Variants in DNAAF9 observed in about 807,000 individuals in gnomAD.
DNAAF9 encodes the protein shulin.
In DNAAF9, 90 loss-of-function variants were observed where a neutral mutation model predicts 167.0. The ratio of observed to expected loss-of-function variants is 0.54; its 90% confidence interval spans 0.45 to 0.64. The LOEUF is 0.64. Ranked by LOEUF, DNAAF9 falls within the 30% of genes least tolerant of loss-of-function variation. The pLI is 0.00. For missense variants in DNAAF9, 1,315 were observed against 1,442.2 expected (o/e 0.91, Z 1.43); for synonymous variants, 491 against 508.8 (o/e 0.96, Z 0.47).
intron 7 of DNAAF9, among the ~76,000 whole-genome samples, chr20:3,356,594 T>C (rs1218057908): frequency 6.6e-6 from 1 of 152,242 alleles, no homozygotes; most frequent in Non-Finnish European, 1.5e-5. Flanking sequence ...TTTCTGCTTT[T>C]TCCCTTTTTT....
intron 9 of DNAAF9, among the ~76,000 whole-genome samples, chr20:3,341,764 G>A (rs2070090133): frequency 6.6e-6 from 1 of 152,048 alleles, no homozygotes. Flanking sequence ...TCTCTACATT[G>A]CAGTGATGAT....
chr20:3,322,750 TA>T, intron 14 of DNAAF9, 54 bp from the exon 15 acceptor site: 1 of 1,302,144 alleles, frequency 7.7e-7, no homozygotes, highest in Non-Finnish European at 1.1e-6. Context: ...GCTCCTCAGA[TA>T]CCTGTGCAGG....
chr20:3,370,726 T>A (rs552258594), intron 6 of DNAAF9, among the ~76,000 whole-genome samples: 27 of 152,256 alleles, frequency 1.8e-4, no homozygotes, highest in Non-Finnish European at 2.8e-4. Flanking sequence ...CTAATTTTTT[T>A]AAAATTTTTT....
At chr20:3,384,081 C>G (rs2083699861) in intron 1 of DNAAF9, 1 of 152,076 alleles carries the variant, frequency 6.6e-6, no homozygotes, top group African/African-American at 2.4e-5. Flanking sequence ...AGGCATGCGC[C>G]ACCACACCAG....
intron 27 of DNAAF9, among the ~76,000 whole-genome samples, chr20:3,286,958 T>C (rs891866455): frequency 6.6e-6 from 1 of 152,132 alleles, no homozygotes; most frequent in African/African-American, 2.4e-5. Context: ...TGGTGATGGG[T>C]CTGTGAGGGG....
At chr20:3,385,195 C>G (rs1600903599) in intron 1 of DNAAF9, among the ~76,000 whole-genome samples, 5 of 151,726 alleles carry the variant, frequency 3.3e-5, no homozygotes, top group Admixed American at 3.3e-4. Context: ...TCCTATTTAA[C>G]ATAATACCGG....
chr20:3,318,077 C>T (rs182032938), intron 17 of DNAAF9, among the ~76,000 whole-genome samples: 6,592 of 150,350 alleles, frequency 0.044, 218 homozygotes, highest in African/African-American at 0.093. Context: ...TTAGGTTATA[C>T]ACCCTTTGTT....
intron 27 of DNAAF9, among the ~76,000 whole-genome samples, chr20:3,285,217 C>T (rs1333369262): frequency 6.6e-6 from 1 of 152,214 alleles, no homozygotes; most frequent in Non-Finnish European, 1.5e-5. Flanking sequence ...AATCTCTGTC[C>T]TATATTACAT....
chr20:3,343,647 C>T (rs1459662397), intron 9 of DNAAF9, 29 bp downstream of exon 9: 6 of 1,584,226 alleles, frequency 3.8e-6, no homozygotes, highest in Admixed American at 3.4e-5. Context: ...TATCACCATT[C>T]GCCCTTCTTC....
chr20:3,374,613 G>T (rs1358480264), intron 5 of DNAAF9, among the ~76,000 whole-genome samples: 1 of 152,092 alleles, frequency 6.6e-6, no homozygotes, highest in Non-Finnish European at 1.5e-5. Flanking sequence ...TTTTGTTGTT[G>T]CAATACAAGC....
intron 7 of DNAAF9, among the ~76,000 whole-genome samples, chr20:3,359,281 G>A (rs2083329193): frequency 6.6e-6 from 1 of 152,210 alleles, no homozygotes; most frequent in African/African-American, 2.4e-5. Context: ...CAGGCAGGAG[G>A]CCCTGGTTTT....
At position 3,264,538 on chromosome 20, in the gene DNAAF9, C is replaced by A. The variant is rs143299856; in HGVS notation, c.2787-14G>T. ...ATGTCTTCATTCCTTTGAAAACACA[C>A]AGAAAAGACCTAGATTAATTAGGAC... is the stretch of plus-strand genomic sequence containing the variant. On this transcript the variant is annotated splice_polypyrimidine_tract_variant and intron_variant, in intron 30 of 36. Transcript: ENST00000252032. 1.7e-4 allele frequency: 218 copies of A among 1,269,582 alleles called. 2 individuals are homozygous for A. The highest frequency in any genetic ancestry group is 1.6e-3 in the Admixed American group (94 of 57,800). The allele number at this position is 1,269,582 out of a possible 1,614,324, so 78.6% of individuals were successfully genotyped here.
chr20:3,272,886 A>C (rs760730792), intron 29 of DNAAF9, among the ~76,000 whole-genome samples: 29 of 152,030 alleles, frequency 1.9e-4, no homozygotes, highest in Non-Finnish European at 3.7e-4. Context: ...GCAATGGTGC[A>C]ATCTCAGCTC....
chr20:3,393,503 T>A (rs953135654), intron 1 of DNAAF9, among the ~76,000 whole-genome samples: 2 of 152,106 alleles, frequency 1.3e-5, no homozygotes, highest in Non-Finnish European at 2.9e-5. Flanking sequence ...CAGAATGACA[T>A]CTTGTGTCAA....
At chr20:3,300,593 G>A (rs1279192477) in intron 21 of DNAAF9, among the ~76,000 whole-genome samples, 1 of 151,198 alleles carries the variant, frequency 6.6e-6, no homozygotes, top group African/African-American at 2.4e-5. Flanking sequence ...TGGGACTATA[G>A]GCACCTGCCA....
chr20:3,279,761 G>T (rs1426580934), intron 28 of DNAAF9, among the ~76,000 whole-genome samples: 1 of 152,190 alleles, frequency 6.6e-6, no homozygotes, highest in Non-Finnish European at 1.5e-5. Context: ...CACTAAGCTT[G>T]CCCAGTGTCT....
intron 29 of DNAAF9, among the ~76,000 whole-genome samples, chr20:3,274,212 G>A (rs553801045): frequency 2.2e-4 from 34 of 151,530 alleles, no homozygotes; most frequent in South Asian, 6.3e-4. Context: ...GTGTGATCTC[G>A]GCTGGTTGCA....
chr20:3,358,919 G>A lies in DNAAF9; in HGVS notation c.690+597C>T, dbSNP rs1038589113. Among the ~76,000 whole-genome samples the A allele has an allele frequency of 3.9e-5, 6 of 151,946 alleles. No homozygotes were observed. In the South Asian group the frequency reaches 6.2e-4, roughly 16 times the overall value. On this transcript the variant is annotated intron_variant, in intron 7 of 36. Transcript: ENST00000252032. ...TAAAGCTTTAGTTCTGTTTGTTGCC[G>A]CTCGTTGCAAATTTCCCCCCGATCC...
intron 33 of DNAAF9, among the ~76,000 whole-genome samples, chr20:3,257,771 C>A (rs1416750589): frequency 6.6e-6 from 1 of 152,034 alleles, no homozygotes; most frequent in Non-Finnish European, 1.5e-5. Context: ...GTGGTACAAT[C>A]TTGGCTCACT....
Sources: gnomAD v4.1 joint callset for allele counts (sites outside exome capture counted in the v4.1 genomes callset) on GRCh38, gnomAD v4.1.1 for gene constraint, MANE v1.5 for transcripts, NCBI Gene and HGNC (gene_info 2026-07-23, HGNC 2026-07-21) for gene names.